MANBA: variants seen among roughly 807,000 people sequenced by gnomAD.
The protein encoded by MANBA is mannosidase beta, also known as beta-mannosidase.
MANBA carries 83 observed loss-of-function variants against 111.1 expected under a neutral mutation model. The observed-to-expected ratio is 0.75, with a 90% CI of 0.63 to 0.90. The LOEUF is 0.90. MANBA is among the 40% of genes least tolerant of loss of function. The pLI, the probability that MANBA is intolerant of heterozygous loss-of-function variation, is 0.00. For missense variants in MANBA, 1,036 were observed against 1,069.0 expected, an observed-to-expected ratio of 0.97 and a Z score of 0.43; for synonymous variants, 370 against 378.7, an observed-to-expected ratio of 0.98 and a Z score of 0.27.
intron 5 of MANBA, among the ~76,000 whole-genome samples, chr4:102,706,417 C>T (rs1733298110): frequency 1.3e-5 from 2 of 152,124 alleles, no homozygotes; most frequent in South Asian, 4.1e-4. Flanking sequence ...AGCAAAAGTG[C>T]CCTACCCAAA....
Position 102,680,797 on chromosome 4 carries a change from T to C in MANBA, c.961-6727A>G, listed in dbSNP as rs141823412. On this transcript the variant is annotated intron_variant, in intron 7 of 16. Coordinates refer to ENST00000647097, the MANE Select transcript of MANBA (RefSeq NM_005908.4). ...ATAATAATCCCATTCCTTGAAGCTA[T>C]TTTCTGTGCATTCTGCAGCAGTTGT... 3.3e-4 allele frequency among the ~76,000 whole-genome samples: 51 copies of C among 152,346 alleles called. 1 individual carries two copies. The highest frequency in any genetic ancestry group is 2.1e-4 in the South Asian group (1 of 4,832).
chr4:102,681,670 C>T (rs182428741), intron 7 of MANBA: 13 of 152,300 alleles, frequency 8.5e-5, no homozygotes, highest in African/African-American at 1.2e-4. Flanking sequence ...TTTATAATCA[C>T]TGTGCTATTG....
chr4:102,643,264 G>A (rs565084742), intron 13 of MANBA, among the ~76,000 whole-genome samples: 1 of 152,232 alleles, frequency 6.6e-6, no homozygotes, highest in African/African-American at 2.4e-5. Flanking sequence ...ATATTTTATT[G>A]TATGGAGATG....
At chr4:102,644,900 TAAAG>T (rs1471311563) in intron 13 of MANBA, among the ~76,000 whole-genome samples, 1 of 152,076 alleles carries the variant, frequency 6.6e-6, no homozygotes. Context: ...TCAATTAAAA[TAAAG>T]AAATATTAAT....
At chr4:102,706,408 G>C (rs58950217) in intron 5 of MANBA, among the ~76,000 whole-genome samples, 1,717 of 152,226 alleles carry the variant, frequency 0.011, 28 homozygotes, top group African/African-American at 0.039. Flanking sequence ...CAAAATCAAA[G>C]CAAAAGTGCC....
intron 9 of MANBA, among the ~76,000 whole-genome samples, chr4:102,670,128 C>G (rs961754282): frequency 2.1e-5 from 3 of 143,912 alleles, no homozygotes; most frequent in African/African-American, 8.3e-5. Context: ...GCATTCCAGC[C>G]TAGGCAACAG....
chr4:102,696,873 A>C (rs539635626), intron 5 of MANBA, among the ~76,000 whole-genome samples: 210 of 152,328 alleles, frequency 1.4e-3, no homozygotes, highest in African/African-American at 4.8e-3. Context: ...TTATAAATTC[A>C]AACATTAGAT....
intron 14 of MANBA, among the ~76,000 whole-genome samples, chr4:102,636,650 C>T (rs560304897): frequency 1.3e-5 from 2 of 152,240 alleles, no homozygotes; most frequent in South Asian, 2.1e-4. Flanking sequence ...GGCTGTGAGG[C>T]CCCCAGAGCA....
intron 1 of MANBA, among the ~76,000 whole-genome samples, chr4:102,745,931 G>C (rs566433151): frequency 1.6e-4 from 25 of 152,296 alleles, no homozygotes; most frequent in Middle Eastern, 6.8e-3. Context: ...TGGGACTTTA[G>C]TCTAGGTATA....
chr4:102,734,610 C>T (rs370577635), intron 1 of MANBA: 46 of 1,600,716 alleles, frequency 2.9e-5, no homozygotes, highest in Non-Finnish European at 3.8e-5. Flanking sequence ...CAAGAAGAAG[C>T]GGTAGAAGAG....
chr4:102,751,528 A>T, intron 1 of MANBA: 1 of 532,452 alleles, frequency 1.9e-6, no homozygotes, highest in South Asian at 1.4e-5. Flanking sequence ...TTACTAAAGG[A>T]CAAAAATGAG....
At chr4:102,640,960 C>T (rs551369940) in intron 13 of MANBA, among the ~76,000 whole-genome samples, 2 of 152,214 alleles carry the variant, frequency 1.3e-5, no homozygotes, top group South Asian at 4.2e-4. Context: ...ATGGTGGGCA[C>T]CCCTGCCAGA....
chr4:102,655,392 C>T (rs1458449794), intron 12 of MANBA, among the ~76,000 whole-genome samples: 1 of 152,110 alleles, frequency 6.6e-6, no homozygotes, highest in East Asian at 1.9e-4. Context: ...AATTGGTGGA[C>T]TCACACTTCC....
chr4:102,742,474 C>T (rs1015743323), intron 1 of MANBA, among the ~76,000 whole-genome samples: 4 of 152,104 alleles, frequency 2.6e-5, no homozygotes, highest in African/African-American at 7.2e-5. Flanking sequence ...AGAACTTTGC[C>T]GCAGCCCTGA....
rs227369 is a variant in MANBA, at chr4:102,690,861, G to T, written c.674-90C>A. 0.64 allele frequency: 288,867 copies of T among 454,892 alleles called. 93,306 individuals carry two copies. Among genetic ancestry groups the T allele is most frequent in the South Asian group, 0.8 (10,462 of 13,096 alleles). 28.2% of individuals were successfully genotyped at this position (454,892 alleles called of 1,614,324 possible). The stretch of plus-strand genomic sequence containing the variant: ...ATTTCTCAGGATTCATTGAAGGTAA[G>T]ACTAAAGCAGCTTCAAACCCAGTAT... On this transcript the variant is annotated intron_variant, in intron 5 of 16. Transcript: ENST00000647097.
At chr4:102,673,807 A>G in intron 8 of MANBA, 112 bp downstream of exon 8, 1 of 961,798 alleles carries the variant, frequency 1.0e-6, no homozygotes, top group Non-Finnish European at 1.7e-6. Flanking sequence ...AGAATTCTAT[A>G]CTACCTCTTA....
chr4:102,685,631 G>A (rs1261601375), intron 7 of MANBA, among the ~76,000 whole-genome samples: 7 of 151,882 alleles, frequency 4.6e-5, no homozygotes, highest in African/African-American at 1.5e-4. Context: ...TCTTTCCCTC[G>A]CTACTGGCCC....
chr4:102,717,894 C>T (rs138929869), intron 4 of MANBA, among the ~76,000 whole-genome samples: 5 of 152,286 alleles, frequency 3.3e-5, no homozygotes, highest in African/African-American at 1.2e-4. Context: ...TGAAGAAAAG[C>T]AGTGCTGTGA....
chr4:102,729,646 TG>T, intron 1 of MANBA: 1 of 1,355,030 alleles, frequency 7.4e-7, no homozygotes, highest in Non-Finnish European at 1.1e-6. Flanking sequence ...TACTTGTTCT[TG>T]AAGTCCTCCA....
Sources: allele counts gnomAD v4.1 joint callset (sites outside exome capture counted in the v4.1 genomes callset), GRCh38; gene constraint gnomAD v4.1.1; transcripts MANE v1.5; gene names NCBI Gene and HGNC (gene_info 2026-07-23, HGNC 2026-07-21).